MAP2K1: variants seen among roughly 807,000 people sequenced by gnomAD.
The protein encoded by MAP2K1 is mitogen-activated protein kinase kinase 1, also known as dual specificity mitogen-activated protein kinase kinase 1.
In MAP2K1, 16 loss-of-function variants were observed where a neutral mutation model predicts 46.3. The ratio of observed to expected loss-of-function variants is 0.35; its 90% CI spans 0.23 to 0.52. The LOEUF (loss-of-function observed/expected upper bound fraction) is 0.52. Ranked by LOEUF, MAP2K1 falls within the 20% of genes least tolerant of loss-of-function variation. The pLI, the probability that MAP2K1 is intolerant of heterozygous loss-of-function variation, is 0.94. For synonymous variants in MAP2K1, 183 were observed against 185.6 expected (o/e 0.99, Z 0.11); for missense variants, 263 against 497.1 (o/e 0.53, Z 4.48).
At chr15:66,436,690 C>T (rs2140582834) in intron 2 of MAP2K1, 56 bp from the exon 3 acceptor site, 3 of 1,519,726 alleles carry the variant, frequency 2.0e-6, no homozygotes, top group South Asian at 2.2e-5. Flanking sequence ...CTATATCTTT[C>T]ATCCCTTCCT....
At chr15:66,468,633 T>A (rs566623551) in intron 5 of MAP2K1, among the ~76,000 whole-genome samples, 38 of 152,240 alleles carry the variant, frequency 2.5e-4, no homozygotes, top group African/African-American at 8.4e-4. Flanking sequence ...ATGATGCTTT[T>A]AAAAAAAATT....
Position 66,490,163 on chromosome 15 carries a change from A to T in MAP2K1, c.1069-339A>T, listed in dbSNP as rs192372055. The T allele has an allele frequency of 7.5e-5, 38 of 509,784 alleles. No homozygotes were observed. In the East Asian group the frequency reaches 1.2e-3, roughly 16 times the overall value. The allele number at this position is 509,784 out of a possible 1,614,324, so 31.6% of individuals were successfully genotyped here. A position where few individuals can be genotyped will look rare whatever the true frequency, so the allele number is the denominator to read the frequency against. On this transcript the variant is annotated intron_variant, in intron 10 of 10. Transcript: ENST00000307102. Reference sequence around the variant, plus strand: ...TAAGTAATACTGTAAATATCTGGACAGCCATAGACGGTGTATATAGTATAT... The same window carrying T: ...TAAGTAATACTGTAAATATCTGGACTGCCATAGACGGTGTATATAGTATAT...
intron 1 of MAP2K1, among the ~76,000 whole-genome samples, chr15:66,407,402 T>G (rs371803239): frequency 2.6e-5 from 4 of 152,226 alleles, no homozygotes; most frequent in African/African-American, 9.6e-5. Context: ...TAGGCCATAG[T>G]GCTTTGGAAT....
intron 1 of MAP2K1, among the ~76,000 whole-genome samples, chr15:66,395,174 A>G (rs1025985017): frequency 1.3e-5 from 2 of 152,328 alleles, no homozygotes; most frequent in East Asian, 1.9e-4. Context: ...AACCCTGCAT[A>G]TACTGTGTTT....
chr15:66,430,529 C>T (rs1014055471), intron 1 of MAP2K1, among the ~76,000 whole-genome samples: 2 of 152,132 alleles, frequency 1.3e-5, no homozygotes, highest in Non-Finnish European at 2.9e-5. Context: ...CCTGTCATTC[C>T]TTAGGCCAGC....
At chr15:66,391,311 C>T (rs893843772) in intron 1 of MAP2K1, among the ~76,000 whole-genome samples, 4 of 152,182 alleles carry the variant, frequency 2.6e-5, no homozygotes, top group African/African-American at 9.7e-5. Context: ...TTTTTTGAGA[C>T]GGAGTCTCGC....
chr15:66,471,797 T>G (rs549856139), intron 5 of MAP2K1, among the ~76,000 whole-genome samples: 1 of 152,180 alleles, frequency 6.6e-6, no homozygotes, highest in East Asian at 1.9e-4. Context: ...ATGCTGTTAG[T>G]GGCCGGGCAT....
chr15:66,416,494 A>G (rs2093424985), intron 1 of MAP2K1, among the ~76,000 whole-genome samples: 1 of 152,070 alleles, frequency 6.6e-6, no homozygotes, highest in Non-Finnish European at 1.5e-5. Flanking sequence ...TCTGCATTGT[A>G]TTTTCACAGC....
intron 1 of MAP2K1, among the ~76,000 whole-genome samples, chr15:66,395,493 C>T (rs2093365337): frequency 6.6e-6 from 1 of 151,642 alleles, no homozygotes; most frequent in Non-Finnish European, 1.5e-5. Context: ...CATACTGTTG[C>T]TTACCTTCTT....
At chr15:66,487,319 T>C (rs1414450096) in intron 8 of MAP2K1, 27 bp downstream of exon 8, 1 of 1,609,622 alleles carries the variant, frequency 6.2e-7, no homozygotes, top group Non-Finnish European at 8.5e-7. Flanking sequence ...TTCCTTCACC[T>C]TGGAATTTAC....
intron 5 of MAP2K1, among the ~76,000 whole-genome samples, chr15:66,469,297 A>T (rs1329968380): frequency 6.6e-6 from 1 of 152,196 alleles, no homozygotes. Context: ...TAAGTGTCTA[A>T]ACTACACTCT....
At chr15:66,420,311 A>T (rs1459965546) in intron 1 of MAP2K1, among the ~76,000 whole-genome samples, 1 of 152,078 alleles carries the variant, frequency 6.6e-6, no homozygotes, top group Non-Finnish European at 1.5e-5. Context: ...TCACACCTGT[A>T]ATCCCAGCAC....
chr15:66,466,356 AT>A (rs1029914034), intron 5 of MAP2K1, among the ~76,000 whole-genome samples: 3 of 152,154 alleles, frequency 2.0e-5, no homozygotes, highest in Non-Finnish European at 4.4e-5. Context: ...ATATGCTTCA[AT>A]TTTTTTCATA....
intron 5 of MAP2K1, among the ~76,000 whole-genome samples, chr15:66,471,833 C>T (rs1000439610): frequency 2.0e-5 from 3 of 152,054 alleles, no homozygotes; most frequent in East Asian, 3.8e-4. Context: ...AATCCCAGCA[C>T]TTTGGGAGGC....
chr15:66,429,663 C>CG (rs2093469344), intron 1 of MAP2K1, among the ~76,000 whole-genome samples: 2 of 53,600 alleles, frequency 3.7e-5, no homozygotes, highest in Admixed American at 1.4e-4. Context: ...TGCACTGCGG[C>CG]GCCCCCCCCC....
intron 1 of MAP2K1, among the ~76,000 whole-genome samples, chr15:66,419,901 A>AC: frequency 6.6e-6 from 1 of 151,462 alleles, no homozygotes; most frequent in South Asian, 2.1e-4. Flanking sequence ...GACATAAACA[A>AC]AAAAAAAGTC....
intron 5 of MAP2K1, among the ~76,000 whole-genome samples, chr15:66,446,947 C>T (rs1891883970): frequency 6.6e-6 from 1 of 152,012 alleles, no homozygotes; most frequent in Admixed American, 6.6e-5. Context: ...TAAATTATAC[C>T]TCAGTATAGT....
chr15:66,474,928 A>G (rs1002451453), intron 5 of MAP2K1, among the ~76,000 whole-genome samples: 1 of 152,024 alleles, frequency 6.6e-6, no homozygotes. Flanking sequence ...AGTATATTTA[A>G]AAGGCCTGAC....
chr15:66,462,885 G>T (rs899816468), intron 5 of MAP2K1, among the ~76,000 whole-genome samples: 1 of 152,182 alleles, frequency 6.6e-6, no homozygotes, highest in East Asian at 1.9e-4. Context: ...GTCAGTGCTC[G>T]GGAAGGGATG....
Sources: allele counts gnomAD v4.1 joint callset (sites outside exome capture counted in the v4.1 genomes callset), GRCh38; gene constraint gnomAD v4.1.1; transcripts MANE v1.5; gene names NCBI Gene and HGNC (gene_info 2026-07-23, HGNC 2026-07-21).